The following AFF3 variants were observed in gnomAD, a reference collection of about 807,000 sequenced individuals.
AFF3 encodes the protein ALF transcription elongation factor 3, also known as AF4/FMR2 family member 3.
A neutral mutation model predicts 129.7 loss-of-function variants in AFF3; 32 were observed. The ratio of observed to expected loss-of-function variants is 0.25; its 90% CI spans 0.19 to 0.33. The LOEUF (loss-of-function observed/expected upper bound fraction) is 0.33. Ranked by LOEUF, AFF3 falls within the 10% of genes least tolerant of loss-of-function variation. The pLI, the probability that AFF3 is intolerant of heterozygous loss-of-function variation, is 1.00. For missense variants in AFF3, 1,373 were observed against 1,592.0 expected, an observed-to-expected ratio of 0.86 and a Z score of 2.34; for synonymous variants, 644 against 635.4, an observed-to-expected ratio of 1.01 and a Z score of -0.20.
At chr2:99,999,879 A>G (rs112029848) in intron 7 of AFF3, among the ~76,000 whole-genome samples, 15 of 152,260 alleles carry the variant, frequency 9.9e-5, no homozygotes, top group Non-Finnish European at 1.9e-4. Context: ...AACCGGGCCA[A>G]TTACAGCAGA....
chr2:99,742,930 C>T (rs1680839124), intron 10 of AFF3, among the ~76,000 whole-genome samples: 1 of 152,176 alleles, frequency 6.6e-6, no homozygotes, highest in Non-Finnish European at 1.5e-5. Flanking sequence ...CCCCCTTTAC[C>T]CTGAACATTT....
chr2:99,764,147 G>A (rs1356858098), intron 8 of AFF3, among the ~76,000 whole-genome samples: 1 of 152,198 alleles, frequency 6.6e-6, no homozygotes, highest in Non-Finnish European at 1.5e-5. Flanking sequence ...TCCTTGGTCT[G>A]TAGATTCTCA....
chr2:99,707,573 A>G, intron 11 of AFF3: 1 of 984,966 alleles, frequency 1.0e-6, no homozygotes, highest in Non-Finnish European at 1.2e-6. Flanking sequence ...TGAAAAAAAA[A>G]TCCCCCTTGC....
At chr2:99,583,999 A>G (rs1677842563) in intron 16 of AFF3, among the ~76,000 whole-genome samples, 1 of 151,480 alleles carries the variant, frequency 6.6e-6, no homozygotes, top group Non-Finnish European at 1.5e-5. Flanking sequence ...TACCGTGCCC[A>G]GTCCATATTC....
intron 9 of AFF3, among the ~76,000 whole-genome samples, chr2:99,744,393 A>C (rs904683254): frequency 2.0e-5 from 3 of 152,212 alleles, no homozygotes; most frequent in Non-Finnish European, 4.4e-5. Flanking sequence ...AGTTCACATA[A>C]CATTAAAATT....
intron 7 of AFF3, among the ~76,000 whole-genome samples, chr2:99,967,868 A>G (rs1677946861): frequency 1.3e-5 from 2 of 152,194 alleles, no homozygotes; most frequent in African/African-American, 4.8e-5. Context: ...CGCTCTTGCA[A>G]CAGTTTCCTA....
rs566550000 is a variant in AFF3 at position 99,549,071 on chromosome 2, T to C, written c.*2403A>G. 1.8e-4 allele frequency: 41 copies of C among 227,700 alleles called. No individual in the cohort carries two copies. In the South Asian group the frequency reaches 7.3e-3, roughly 41 times the overall value. 14.1% of individuals were successfully genotyped at this position (227,700 alleles called of 1,614,324 possible). ...CACAGGGAAGCTCATCACATAGATG[T>C]TACAACAAAGTCTGCAACTTTCAAG... is the stretch of plus-strand genomic sequence containing the variant. On this transcript the variant is annotated 3_prime_UTR_variant, in exon 25 of 25. Transcript: ENST00000672756.
chr2:99,938,230 G>T (rs1674705161), intron 7 of AFF3, among the ~76,000 whole-genome samples: 1 of 152,188 alleles, frequency 6.6e-6, no homozygotes, highest in Non-Finnish European at 1.5e-5. Context: ...ATGTCTTCAA[G>T]GAAAATTTAT....
intron 12 of AFF3, among the ~76,000 whole-genome samples, chr2:99,663,187 G>GA (rs1686394228): frequency 6.6e-6 from 1 of 152,164 alleles, no homozygotes; most frequent in Non-Finnish European, 1.5e-5. Context: ...AGAAACAAGG[G>GA]AAAAAATGAA....
At chr2:99,573,490 G>A (rs1010406088) in intron 18 of AFF3, among the ~76,000 whole-genome samples, 3 of 152,166 alleles carry the variant, frequency 2.0e-5, no homozygotes, top group East Asian at 1.9e-4. Context: ...GTGGGGGAGC[G>A]CCTTCCCAGC....
chr2:99,759,577 C>T (rs1028814872), intron 8 of AFF3, among the ~76,000 whole-genome samples: 1 of 152,224 alleles, frequency 6.6e-6, no homozygotes, highest in Middle Eastern at 3.4e-3. Context: ...TAAGTATTTC[C>T]GTGTGATTTT....
chr2:100,049,794 A>G (rs1017923904), intron 4 of AFF3, among the ~76,000 whole-genome samples: 5 of 152,224 alleles, frequency 3.3e-5, no homozygotes, highest in South Asian at 2.1e-4. Context: ...AAATAATCCA[A>G]TGGGCAGAGT....
chr2:99,663,549 A>G (rs1267486336), intron 12 of AFF3, among the ~76,000 whole-genome samples: 1 of 152,224 alleles, frequency 6.6e-6, no homozygotes, highest in Non-Finnish European at 1.5e-5. Context: ...TTGATTGGGG[A>G]TTAAAAGGCA....
At chr2:100,014,468 C>T (rs1180720686) in intron 4 of AFF3, among the ~76,000 whole-genome samples, 2 of 152,184 alleles carry the variant, frequency 1.3e-5, no homozygotes, top group East Asian at 1.9e-4. Context: ...GAGACAGGGT[C>T]GTGATTGAGC....
chr2:100,050,879 A>T (rs1686267295), intron 4 of AFF3, among the ~76,000 whole-genome samples: 1 of 152,180 alleles, frequency 6.6e-6, no homozygotes, highest in African/African-American at 2.4e-5. Flanking sequence ...CTATTGACTA[A>T]TGTGGAGTAA....
chr2:99,948,316 T>A (rs1253734269), intron 7 of AFF3, among the ~76,000 whole-genome samples: 1 of 152,146 alleles, frequency 6.6e-6, no homozygotes. Flanking sequence ...CTCACCCCTT[T>A]ATGAAGCTCC....
chr2:99,738,282 C>G (rs1680423683), intron 10 of AFF3, among the ~76,000 whole-genome samples: 1 of 151,952 alleles, frequency 6.6e-6, no homozygotes, highest in Non-Finnish European at 1.5e-5. Context: ...GGCTGTGTAT[C>G]TTCAATCCCT....
intron 13 of AFF3, among the ~76,000 whole-genome samples, chr2:99,645,209 T>C (rs1267218077): frequency 6.6e-6 from 1 of 152,062 alleles, no homozygotes; most frequent in Admixed American, 6.5e-5. Context: ...GTGGCTACCA[T>C]GGCACTGGGC....
chr2:100,103,735 T>G, intron 4 of AFF3, among the ~76,000 whole-genome samples: 1 of 148,152 alleles, frequency 6.7e-6, no homozygotes, highest in African/African-American at 2.5e-5. Context: ...CCGGGTGGGG[T>G]GGGGAGGAGG....
Sources: allele counts gnomAD v4.1 joint callset (sites outside exome capture counted in the v4.1 genomes callset), GRCh38; gene constraint gnomAD v4.1.1; transcripts MANE v1.5; gene names NCBI Gene and HGNC (gene_info 2026-07-23, HGNC 2026-07-21).